NALF1: variants seen among roughly 807,000 people sequenced by gnomAD.
The protein encoded by NALF1 is family with sequence similarity 155 member A.
Under a neutral mutation model 48.4 loss-of-function variants are expected in NALF1, and 3 were observed. The ratio of observed to expected loss-of-function variants is 0.06; its 90% CI spans 0.03 to 0.16. NALF1 has a LOEUF of 0.16. Ranked by LOEUF, NALF1 falls within the 10% of genes least tolerant of loss-of-function variation. The probability of loss-of-function intolerance (pLI) is 1.00; values close to 1 mark genes in which losing one functional copy is unlikely to be tolerated. For missense variants in NALF1, 526 were observed against 571.5 expected (o/e 0.92, Z 0.81); for synonymous variants, 262 against 245.7 (o/e 1.07, Z -0.62).
At chr13:107,223,923 A>C (rs946765051) in intron 1 of NALF1, among the ~76,000 whole-genome samples, 1 of 152,214 alleles carries the variant, frequency 6.6e-6, no homozygotes, top group Non-Finnish European at 1.5e-5. Context: ...ATCTTAGCCC[A>C]TGTCTTCTTT....
At chr13:107,257,567 A>C (rs1429673708) in intron 1 of NALF1, among the ~76,000 whole-genome samples, 13 of 151,336 alleles carry the variant, frequency 8.6e-5, no homozygotes, top group Admixed American at 8.6e-4. Flanking sequence ...AAGGGCCCTC[A>C]GAGAATCATT....
intron 1 of NALF1, among the ~76,000 whole-genome samples, chr13:107,506,219 A>G (rs1475394952): frequency 6.6e-6 from 1 of 152,096 alleles, no homozygotes; most frequent in Non-Finnish European, 1.5e-5. Flanking sequence ...GAAATTAAAG[A>G]TTTCAGTTAG....
At chr13:107,182,148 A>G (rs1483627242) in intron 2 of NALF1, among the ~76,000 whole-genome samples, 1 of 152,070 alleles carries the variant, frequency 6.6e-6, no homozygotes, top group Non-Finnish European at 1.5e-5. Context: ...ACATTTTTAA[A>G]TATCTGAAAA....
intron 1 of NALF1, among the ~76,000 whole-genome samples, chr13:107,370,829 C>A (rs185223578): frequency 2.0e-5 from 3 of 152,172 alleles, no homozygotes; most frequent in Non-Finnish European, 4.4e-5. Context: ...GCAAACACGT[C>A]CTTCTTCACA....
chr13:107,419,397 C>T (rs537927285), intron 1 of NALF1, among the ~76,000 whole-genome samples: 1 of 152,282 alleles, frequency 6.6e-6, no homozygotes, highest in South Asian at 2.1e-4. Flanking sequence ...CACACAATAT[C>T]GCTGTAAAGC....
At chr13:107,243,128 C>A (rs4772861) in intron 1 of NALF1, among the ~76,000 whole-genome samples, 1 of 151,942 alleles carries the variant, frequency 6.6e-6, no homozygotes, top group East Asian at 1.9e-4. Context: ...AATGTCTCCC[C>A]TGTCAGGCCT....
chr13:107,191,833 A>ATTTTTT (rs66566638), intron 2 of NALF1, among the ~76,000 whole-genome samples: 21 of 112,186 alleles, frequency 1.9e-4, no homozygotes, highest in Non-Finnish European at 2.4e-4. Context: ...CACTATGCCT[A>ATTTTTT]TTTTTTTTTT....
At chr13:107,865,545 C>T in intron 1 of NALF1, 137 bp downstream of exon 1, 1 of 1,197,840 alleles carries the variant, frequency 8.3e-7, no homozygotes, top group Non-Finnish European at 1.2e-6. Flanking sequence ...AACAGCAAGC[C>T]AAGCTCTTAA....
intron 1 of NALF1, among the ~76,000 whole-genome samples, chr13:107,745,069 G>C (rs1876747867): frequency 6.6e-6 from 1 of 152,186 alleles, no homozygotes; most frequent in Admixed American, 6.6e-5. Context: ...TAGCAAACAT[G>C]ATCGAATAGA....
chr13:107,740,022 G>A (rs1876587153), intron 1 of NALF1, among the ~76,000 whole-genome samples: 2 of 152,094 alleles, frequency 1.3e-5, no homozygotes, highest in African/African-American at 4.8e-5. Context: ...ATATTATGGT[G>A]TAATAATAAT....
chr13:107,659,114 G>GACACACACAGAC (rs1555315965), intron 1 of NALF1, among the ~76,000 whole-genome samples: 1 of 145,804 alleles, frequency 6.9e-6, no homozygotes, highest in Non-Finnish European at 1.5e-5. Flanking sequence ...CTGACACACA[G>GACACACACAGAC]ACACACACAC....
At chr13:107,843,992 T>C (rs1348166751) in intron 1 of NALF1, among the ~76,000 whole-genome samples, 1 of 152,168 alleles carries the variant, frequency 6.6e-6, no homozygotes, top group Non-Finnish European at 1.5e-5. Flanking sequence ...CACTCAGTAC[T>C]GAAGCATCAA....
intron 1 of NALF1, among the ~76,000 whole-genome samples, chr13:107,385,811 G>A (rs1415339664): frequency 1.3e-5 from 2 of 152,062 alleles, no homozygotes; most frequent in Non-Finnish European, 2.9e-5. Flanking sequence ...TATAGAAAGT[G>A]CTATTTCATA....
intron 1 of NALF1, among the ~76,000 whole-genome samples, chr13:107,374,114 A>T (rs1218856101): frequency 6.6e-6 from 1 of 152,202 alleles, no homozygotes; most frequent in African/African-American, 2.4e-5. Context: ...TTTTATAATT[A>T]TAAAGGATGC....
At chr13:107,634,618 G>A (rs893723958) in intron 1 of NALF1, among the ~76,000 whole-genome samples, 2 of 152,052 alleles carry the variant, frequency 1.3e-5, no homozygotes, top group African/African-American at 4.8e-5. Flanking sequence ...ACAAAAGGAG[G>A]AACACAAATG....
chr13:107,449,105 G>T (rs145366841), intron 1 of NALF1, among the ~76,000 whole-genome samples: 1 of 152,182 alleles, frequency 6.6e-6, no homozygotes, highest in South Asian at 2.1e-4. Context: ...TTAGCTGGGC[G>T]TGATGGTGGG....
At chr13:107,523,373 A>T (rs1299265066) in intron 1 of NALF1, among the ~76,000 whole-genome samples, 2 of 151,964 alleles carry the variant, frequency 1.3e-5, no homozygotes, top group Non-Finnish European at 2.9e-5. Flanking sequence ...AATTTTTTTT[A>T]ATTTTATTAT....
intron 2 of NALF1, among the ~76,000 whole-genome samples, chr13:107,172,945 G>A (rs990939377): frequency 4.5e-4 from 69 of 151,878 alleles, no homozygotes; most frequent in African/African-American, 1.7e-3. Flanking sequence ...CTTTTTGTCT[G>A]GCACAATTAA....
chr13:107,478,165 T>G (rs946363505), intron 1 of NALF1, among the ~76,000 whole-genome samples: 1 of 152,166 alleles, frequency 6.6e-6, no homozygotes, highest in Non-Finnish European at 1.5e-5. Context: ...ATAACTTTTC[T>G]GGTGCAATTT....
Sources: gnomAD v4.1 joint callset for allele counts (sites outside exome capture counted in the v4.1 genomes callset) on GRCh38, gnomAD v4.1.1 for gene constraint, MANE v1.5 for transcripts, NCBI Gene and HGNC (gene_info 2026-07-23, HGNC 2026-07-21) for gene names.